DLG2: variants seen among roughly 807,000 people sequenced by gnomAD.
The protein encoded by DLG2 is discs large MAGUK scaffold protein 2, also known as disks large homolog 2.
In DLG2, 45 loss-of-function variants were observed where a neutral mutation model predicts 132.5. The observed-to-expected ratio is 0.34, with a 90% CI of 0.27 to 0.44. The LOEUF (loss-of-function observed/expected upper bound fraction) is 0.44. DLG2 is among the 20% of genes least tolerant of loss of function. The probability of loss-of-function intolerance (pLI) is 1.00; values close to 1 mark genes in which losing one functional copy is unlikely to be tolerated. For synonymous variants in DLG2, 424 were observed against 419.6 expected, an observed-to-expected ratio of 1.01 and a Z score of -0.13; for missense variants, 1,045 against 1,196.9, an observed-to-expected ratio of 0.87 and a Z score of 1.87.
intron 3 of DLG2, among the ~76,000 whole-genome samples, chr11:85,550,176 G>T (rs659492): frequency 2.6e-5 from 4 of 152,314 alleles, no homozygotes; most frequent in Admixed American, 2.6e-4. Context: ...CAAGAGCTCA[G>T]GAGCCACAAG....
Position 84,332,691 on chromosome 11 carries a change from T to G in DLG2, c.520-81400A>C, listed in dbSNP as rs116573510. The stretch of plus-strand genomic sequence containing the variant: ...AATGTGTAGGAAGTTTATAGGGCAA[T>G]GGGAAAACTTACTGCCTATTTGCAT... On this transcript the variant is annotated intron_variant, in intron 7 of 27. Coordinates refer to ENST00000376104, the MANE Select transcript of DLG2 (RefSeq NM_001142699.3). Among the ~76,000 whole-genome samples the G allele has an allele frequency of 1.6e-3, 239 of 152,198 alleles. 2 individuals carry two copies. Among genetic ancestry groups the G allele is most frequent in the African/African-American group, 5.4e-3 (223 of 41,530 alleles).
intron 7 of DLG2, among the ~76,000 whole-genome samples, chr11:84,329,868 C>T (rs1423184126): frequency 6.6e-6 from 1 of 152,144 alleles, no homozygotes; most frequent in Non-Finnish European, 1.5e-5. Context: ...CCTCATTTTT[C>T]CTGGTCATAA....
intron 15 of DLG2, among the ~76,000 whole-genome samples, chr11:83,910,315 C>A (rs560805895): frequency 6.6e-6 from 1 of 152,168 alleles, no homozygotes; most frequent in Non-Finnish European, 1.5e-5. Flanking sequence ...ATAAAATGAC[C>A]TCAAAGCTGA....
intron 7 of DLG2, among the ~76,000 whole-genome samples, chr11:84,336,802 A>T (rs1002993001): frequency 6.6e-6 from 1 of 152,194 alleles, no homozygotes; most frequent in Non-Finnish European, 1.5e-5. Flanking sequence ...TGACTATAGC[A>T]GAAACAGAGG....
At chr11:84,744,002 G>T (rs2153826917) in intron 6 of DLG2, among the ~76,000 whole-genome samples, 1 of 152,248 alleles carries the variant, frequency 6.6e-6, no homozygotes, top group East Asian at 1.9e-4. Flanking sequence ...GGAATTACAG[G>T]CATGAGCCAC....
chr11:85,392,900 C>A (rs1458766356), intron 3 of DLG2, among the ~76,000 whole-genome samples: 2 of 152,086 alleles, frequency 1.3e-5, no homozygotes, highest in Non-Finnish European at 1.5e-5. Flanking sequence ...AAAAACCCTT[C>A]TAGACATTGA....
chr11:85,028,349 C>T (rs1036229003), intron 6 of DLG2, among the ~76,000 whole-genome samples: 6 of 152,278 alleles, frequency 3.9e-5, no homozygotes, highest in East Asian at 1.9e-4. Context: ...CTGTAAGCCA[C>T]GGACTCTATG....
chr11:84,373,734 T>C (rs765637967), intron 7 of DLG2, among the ~76,000 whole-genome samples: 5 of 152,312 alleles, frequency 3.3e-5, no homozygotes, highest in African/African-American at 9.6e-5. Context: ...TTTTAACTTT[T>C]AGTTTCTAGG....
chr11:84,817,349 C>G (rs889321667), intron 6 of DLG2, among the ~76,000 whole-genome samples: 2 of 151,948 alleles, frequency 1.3e-5, no homozygotes, highest in Non-Finnish European at 2.9e-5. Context: ...TGTCTGTACA[C>G]CAAGGACCTA....
intron 3 of DLG2, among the ~76,000 whole-genome samples, chr11:85,499,466 C>A (rs898393275): frequency 2.0e-5 from 3 of 151,878 alleles, no homozygotes; most frequent in African/African-American, 4.8e-5. Flanking sequence ...GCCTACCAAC[C>A]AAAAAAAGTC....
intron 6 of DLG2, among the ~76,000 whole-genome samples, chr11:84,799,129 G>A (rs2075052645): frequency 6.6e-6 from 1 of 152,166 alleles, no homozygotes; most frequent in African/African-American, 2.4e-5. Flanking sequence ...CGGCCTCAAG[G>A]CTTGCCTAAG....
intron 15 of DLG2, among the ~76,000 whole-genome samples, chr11:83,894,940 GTTCCA>G (rs2071134192): frequency 6.6e-6 from 1 of 151,068 alleles, no homozygotes; most frequent in Non-Finnish European, 1.5e-5. Context: ...ATTACCTACA[GTTCCA>G]TCCATGTTGT....
chr11:85,035,107 T>A (rs1456143572), intron 6 of DLG2, among the ~76,000 whole-genome samples: 1 of 152,224 alleles, frequency 6.6e-6, no homozygotes, highest in Admixed American at 6.5e-5. Flanking sequence ...TCCCTGTGGC[T>A]TTATCTGGTG....
At chr11:84,285,650 A>G (rs2097902413) in intron 7 of DLG2, among the ~76,000 whole-genome samples, 1 of 152,192 alleles carries the variant, frequency 6.6e-6, no homozygotes, top group African/African-American at 2.4e-5. Context: ...GTCTCCAGAC[A>G]TGACCTAATG....
chr11:85,116,659 T>C (rs2073630788), intron 5 of DLG2, among the ~76,000 whole-genome samples: 1 of 151,994 alleles, frequency 6.6e-6, no homozygotes, highest in African/African-American at 2.4e-5. Context: ...CATGTGCTAA[T>C]GTAAAATACA....
chr11:85,449,577 A>C (rs2092152224), intron 3 of DLG2, among the ~76,000 whole-genome samples: 1 of 151,990 alleles, frequency 6.6e-6, no homozygotes, highest in Non-Finnish European at 1.5e-5. Context: ...CATTTTAAAC[A>C]TTATATGAAG....
At chr11:83,902,861 G>A (rs1337935791) in intron 15 of DLG2, among the ~76,000 whole-genome samples, 1 of 152,116 alleles carries the variant, frequency 6.6e-6, no homozygotes, top group African/African-American at 2.4e-5. Context: ...ATGGATAGTG[G>A]GCAAGATGAG....
chr11:84,207,143 A>C (rs1597415952), intron 8 of DLG2, among the ~76,000 whole-genome samples: 1 of 151,886 alleles, frequency 6.6e-6, no homozygotes, highest in South Asian at 2.1e-4. Flanking sequence ...AATACTGCTG[A>C]GATAGCTTAC....
chr11:83,487,863 T>TTAAC, intron 21 of DLG2, among the ~76,000 whole-genome samples: 1 of 152,026 alleles, frequency 6.6e-6, no homozygotes, highest in East Asian at 1.9e-4. Flanking sequence ...TAATTGCCCA[T>TTAAC]TAACTGGCAA....
Sources: gnomAD v4.1 joint callset for allele counts (sites outside exome capture counted in the v4.1 genomes callset) on GRCh38, gnomAD v4.1.1 for gene constraint, MANE v1.5 for transcripts, NCBI Gene and HGNC (gene_info 2026-07-23, HGNC 2026-07-21) for gene names.